Variants in GNG2 observed in about 807,000 individuals in gnomAD.
GNG2 encodes the protein G protein subunit gamma 2.
In GNG2, 5 loss-of-function variants were observed where a neutral mutation model predicts 5.5. The ratio of observed to expected loss-of-function variants is 0.91; its 90% CI spans 0.48 to 1.92. The LOEUF is 1.92. GNG2 is among the 30% of genes most tolerant of loss of function. GNG2 has a pLI of 0.01. For missense variants in GNG2, 55 were observed against 88.4 expected, an observed-to-expected ratio of 0.62 and a Z score of 1.52; for synonymous variants, 28 against 32.0, an observed-to-expected ratio of 0.88 and a Z score of 0.42.
intron 1 of GNG2, among the ~76,000 whole-genome samples, chr14:51,870,028 T>G (rs1161741279): frequency 2.0e-5 from 3 of 151,894 alleles, no homozygotes; most frequent in Non-Finnish European, 2.9e-5. Flanking sequence ...GAAGAGGGGG[T>G]TAGTGGGTAG....
intron 2 of GNG2, among the ~76,000 whole-genome samples, chr14:51,883,543 A>T (rs146547270): frequency 1.3e-5 from 2 of 152,226 alleles, no homozygotes; most frequent in Non-Finnish European, 2.9e-5. Context: ...AGGTAGCCAC[A>T]TGTACTGTGT....
chr14:51,860,297 A>T (rs1882375824), upstream of GNG2: 1 of 152,632 alleles, frequency 6.6e-6, no homozygotes, highest in Non-Finnish European at 1.5e-5. Flanking sequence ...AGGCTAAAAA[A>T]GCAGGCAGTG....
At chr14:51,845,811 T>C (rs1250543041) in intron 2 of GNG2, among the ~76,000 whole-genome samples, 4 of 152,304 alleles carry the variant, frequency 2.6e-5, no homozygotes, top group Non-Finnish European at 5.9e-5. Context: ...GTGCCACCTA[T>C]TGATCCAGTT....
chr14:51,941,980 A>C (rs1289158056), intron 2 of GNG2, among the ~76,000 whole-genome samples: 1 of 152,208 alleles, frequency 6.6e-6, no homozygotes, highest in Non-Finnish European at 1.5e-5. Flanking sequence ...CAATTCCTAT[A>C]ATTGTTCCAG....
chr14:51,933,096 A>G (rs986372571), intron 2 of GNG2, among the ~76,000 whole-genome samples: 1 of 152,210 alleles, frequency 6.6e-6, no homozygotes, highest in Admixed American at 6.5e-5. Flanking sequence ...TGGCAGGAGC[A>G]TGGCTCTGCT....
intron 2 of GNG2, among the ~76,000 whole-genome samples, chr14:51,843,057 A>G (rs550914525): frequency 1.3e-5 from 2 of 152,328 alleles, no homozygotes; most frequent in African/African-American, 4.8e-5. Context: ...GAGATGTTGC[A>G]GCTAAAGACC....
chr14:51,945,986 A>G (rs1888621374), intron 2 of GNG2, among the ~76,000 whole-genome samples: 1 of 152,248 alleles, frequency 6.6e-6, no homozygotes, highest in Admixed American at 6.5e-5. Context: ...ATAAACCAGG[A>G]ATAGAGGTAC....
At chr14:51,892,333 A>G (rs1884915074) in intron 2 of GNG2, among the ~76,000 whole-genome samples, 1 of 151,508 alleles carries the variant, frequency 6.6e-6, no homozygotes. Flanking sequence ...TTTTTTTGAA[A>G]TAGAGTCTCA....
chr14:51,851,031 C>T (rs141603692), intron 2 of GNG2, among the ~76,000 whole-genome samples: 22 of 152,304 alleles, frequency 1.4e-4, no homozygotes, highest in Non-Finnish European at 2.1e-4. Flanking sequence ...GCCAACCCAC[C>T]GTGGAGCTTA....
intron 1 of GNG2, among the ~76,000 whole-genome samples, chr14:51,866,159 C>A (rs926745835): frequency 6.6e-6 from 1 of 152,166 alleles, no homozygotes; most frequent in African/African-American, 2.4e-5. Flanking sequence ...TCCCTTGCTC[C>A]CTGGCCAGCC....
At chr14:51,879,241 G>A (rs371120596) in intron 2 of GNG2, among the ~76,000 whole-genome samples, 1 of 152,210 alleles carries the variant, frequency 6.6e-6, no homozygotes, top group Non-Finnish European at 1.5e-5. Flanking sequence ...GCTAACAAAC[G>A]CAAGAAGCTA....
chr14:51,952,021 A>T, intron 3 of GNG2: 1 of 635,418 alleles, frequency 1.6e-6, no homozygotes. Flanking sequence ...CTGGGGTATG[A>T]TTCAGGCATC....
At chr14:51,956,845 C>T (rs1042062489) in intron 3 of GNG2, among the ~76,000 whole-genome samples, 18 of 152,138 alleles carry the variant, frequency 1.2e-4, no homozygotes, top group Non-Finnish European at 2.6e-4. Flanking sequence ...TGGATTATAT[C>T]TCTACCTTCT....
chr14:51,957,761 G>T, intron 3 of GNG2, among the ~76,000 whole-genome samples: 1 of 152,150 alleles, frequency 6.6e-6, no homozygotes, highest in African/African-American at 2.4e-5. Context: ...GTCTGGCACA[G>T]TTCTTTAGAC....
intron 2 of GNG2, among the ~76,000 whole-genome samples, chr14:51,885,288 G>A (rs1358638999): frequency 6.6e-6 from 1 of 151,756 alleles, no homozygotes; most frequent in African/African-American, 2.4e-5. Flanking sequence ...TGTATAAATT[G>A]TAAAATATGA....
At chr14:51,943,619 T>A (rs938425682) in intron 2 of GNG2, among the ~76,000 whole-genome samples, 1 of 152,182 alleles carries the variant, frequency 6.6e-6, no homozygotes, top group Non-Finnish European at 1.5e-5. Flanking sequence ...AGCATTCTTC[T>A]CCAGTAAGAA....
chr14:51,876,805 C>T lies in GNG2; in HGVS notation c.-70-812C>T, dbSNP rs191606745. On this transcript the variant is annotated intron_variant, in intron 1 of 3. Transcript: ENST00000556766. ...GTTCGTTTGGCCCTAGAACCCCTTG[C>T]GAATTTGAGTTCCACCCTCATTCAT... Among the ~76,000 whole-genome samples, 408 of 152,196 alleles carry T rather than the reference C, an allele frequency of 2.7e-3. 2 individuals carry two copies. Among genetic ancestry groups the T allele is most frequent in the African/African-American group, 9.4e-3 (391 of 41,514 alleles).
intron 2 of GNG2, among the ~76,000 whole-genome samples, chr14:51,894,135 G>C (rs1187568949): frequency 2.6e-5 from 4 of 152,140 alleles, no homozygotes; most frequent in African/African-American, 7.2e-5. Flanking sequence ...AACAACCATT[G>C]AGATTCCAAT....
chr14:51,941,373 G>A (rs1414216731), intron 2 of GNG2, among the ~76,000 whole-genome samples: 2 of 152,152 alleles, frequency 1.3e-5, no homozygotes, highest in Non-Finnish European at 2.9e-5. Context: ...AATATTAAGT[G>A]ACTGAGAGAC....
Sources: gnomAD v4.1 joint callset for allele counts (sites outside exome capture counted in the v4.1 genomes callset) on GRCh38, gnomAD v4.1.1 for gene constraint, MANE v1.5 for transcripts, NCBI Gene and HGNC (gene_info 2026-07-23, HGNC 2026-07-21) for gene names.